Variants in PITPNM3 observed in about 807,000 individuals in gnomAD.
PITPNM3 encodes the protein PITPNM family member 3.
A neutral mutation model predicts 102.0 loss-of-function variants in PITPNM3; 26 were observed. The ratio of observed to expected loss-of-function variants is 0.25; its 90% confidence interval spans 0.19 to 0.35. PITPNM3 has a LOEUF of 0.35. PITPNM3 is among the 10% of genes least tolerant of loss of function. The pLI is 1.00. For synonymous variants in PITPNM3, 578 were observed against 558.6 expected (o/e 1.03, Z -0.49); for missense variants, 1,083 against 1,346.1 (o/e 0.80, Z 3.06).
At position 6,537,841 on chromosome 17, in the gene PITPNM3, A is replaced by C. The variant is rs1420218361; in HGVS notation, c.118+146T>G. The stretch of plus-strand genomic sequence containing the variant: ...CGAAGGCTGAGCCCCTGCTCTTGGC[A>C]CATCCACAGGATGGGTAAGTATGGA... On this transcript the variant is annotated intron_variant, in intron 2 of 19. Transcript: ENST00000262483. This position sits in a 1 kb window ranked among gnomAD's most constrained non-coding sequence, Gnocchi z 4.4. 8 of 760,020 alleles carry C rather than the reference A, an allele frequency of 1.1e-5. No homozygotes were observed. The highest frequency in any genetic ancestry group is 5.9e-4 in the Middle Eastern group (2 of 3,382). The allele number at this position is 760,020 out of a possible 1,614,324, so 47.1% of individuals were successfully genotyped here.
In PITPNM3 at chr17:6,478,013, C is replaced by A. The variant is rs200058178; in HGVS notation, c.862G>T (p.Ala288Ser). The change falls in exon 8 of 20, where the codon GCC (alanine) becomes TCC (serine). Residue 288 changes from alanine to serine, a missense_variant. Coordinates refer to ENST00000262483, the MANE Select transcript of PITPNM3 (RefSeq NM_031220.4). This position sits in a 1 kb window ranked among gnomAD's most constrained non-coding sequence, Gnocchi z 4.4. ...YSAGPSGDSP[A>S]SSSRKGSISS... is the part of the protein sequence containing the mutation. ...ATGCTCCCCTTCCGGCTGCTGCTGG[C>A]AGGGCTGTCCCCTGAGGGCCCCGCA... 1.1e-5 allele frequency: 17 copies of A among 1,613,516 alleles called. No individual in the cohort carries two copies. In the East Asian group the frequency reaches 1.8e-4, roughly 17 times the overall value.
At chr17:6,462,523 C>T (rs1483305068) in intron 17 of PITPNM3, among the ~76,000 whole-genome samples, 1 of 152,170 alleles carries the variant, frequency 6.6e-6, no homozygotes, top group South Asian at 2.1e-4. Context: ...TCTTTCAAGA[C>T]CCCCCTTCCT....
At chr17:6,497,222 G>T (rs1248336876) in intron 4 of PITPNM3, among the ~76,000 whole-genome samples, 2 of 152,142 alleles carry the variant, frequency 1.3e-5, no homozygotes, top group African/African-American at 4.8e-5. Context: ...TGTCTGTGGT[G>T]GGGGGTCTTC....
In PITPNM3 at chr17:6,467,067, CAAA is replaced by C. The variant is rs1408443729; in HGVS notation, c.1890+1155_1890+1157del. Among the ~76,000 whole-genome samples, 98 of 4,950 alleles carry C rather than the reference CAAA, an allele frequency of 0.02. 2 individuals carry two copies. The Middle Eastern group carries it at 0.55, about 28-fold the overall frequency. The allele number at this position is 4,950 out of a possible 152,430, so 3.2% of individuals were successfully genotyped here. On this transcript the variant is annotated intron_variant, in intron 14 of 19. Coordinates refer to ENST00000262483, the MANE Select transcript of PITPNM3 (RefSeq NM_031220.4). ...GACAGAACAAGACTCCGTCTCAAAA[CAAA>C]AAAAAAAAACCAAAAAAAAAAAACA...
chr17:6,522,286 GCACACA>G (rs35785551), intron 3 of PITPNM3, among the ~76,000 whole-genome samples: 232 of 149,290 alleles, frequency 1.6e-3, no homozygotes, highest in African/African-American at 4.8e-3. Context: ...TTTAGTGTGC[GCACACA>G]CACACACACA....
rs146637916 is a variant in PITPNM3, at chr17:6,534,507, G to T, written c.118+3480C>A. 9.1e-4 allele frequency among the ~76,000 whole-genome samples: 138 copies of T among 152,298 alleles called. 1 individual carries two copies. The highest frequency in any genetic ancestry group is 2.8e-3 in the African/African-American group (118 of 41,554). On this transcript the variant is annotated intron_variant, in intron 2 of 19. Coordinates refer to ENST00000262483, the MANE Select transcript of PITPNM3 (RefSeq NM_031220.4). ...CTGATGGCTGCAAGGGAGGGAGGAC[G>T]GTCCTAATCGGTAACACATCAAAGG... is the stretch of plus-strand genomic sequence containing the variant.
rs557922012 is a variant in PITPNM3 at position 6,466,228 on chromosome 17, G to A, written c.1891-1457C>T. Among the ~76,000 whole-genome samples the A allele has an allele frequency of 2.0e-4, 30 of 152,212 alleles. No homozygotes were observed. In the South Asian group the frequency reaches 5.6e-3, roughly 28 times the overall value. On this transcript the variant is annotated intron_variant, in intron 14 of 19. Coordinates refer to ENST00000262483, the MANE Select transcript of PITPNM3 (RefSeq NM_031220.4). ...TCTTCCCCCACATTCCAGCCCATTC[G>A]CTATGACTAGACTCAGCGCCATCAT...
intron 1 of PITPNM3, among the ~76,000 whole-genome samples, chr17:6,539,551 T>C (rs1211826956): frequency 6.6e-6 from 1 of 152,180 alleles, no homozygotes; most frequent in Non-Finnish European, 1.5e-5. Context: ...ATTGCATTCC[T>C]AGATACAAGA....
chr17:6,506,311 C>T (rs189895853), intron 3 of PITPNM3, among the ~76,000 whole-genome samples: 2 of 151,934 alleles, frequency 1.3e-5, no homozygotes, highest in Admixed American at 1.3e-4. Flanking sequence ...GCTCTAAAAC[C>T]TGTTATGGTG....
rs376230474 is a variant in PITPNM3 at position 6,544,654 on chromosome 17, T to TCTCA, written c.23-6573_23-6572insTGAG. ...CTCTCTCTCTCTCTCTCTCTCTCTCTCACACACACACACACACACACACAA... is the reference window on the plus strand; with the variant it reads ...CTCTCTCTCTCTCTCTCTCTCTCTCTCTCACACACACACACACACACACACACAA... On this transcript the variant is annotated intron_variant, in intron 1 of 19. Coordinates refer to ENST00000262483, the MANE Select transcript of PITPNM3 (RefSeq NM_031220.4). Among the ~76,000 whole-genome samples, 718 of 130,264 alleles carry TCTCA rather than the reference T, an allele frequency of 5.5e-3. 1 individual carries two copies. Among genetic ancestry groups the TCTCA allele is most frequent in the Middle Eastern group, 0.016 (4 of 250 alleles). 85.5% of individuals were successfully genotyped at this position (130,264 alleles called of 152,430 possible).
In PITPNM3 at chr17:6,474,542, G is replaced by C. The variant is rs1380947904; in HGVS notation, c.1148C>G (p.Pro383Arg). Residue 383 changes from proline to arginine, a missense_variant, in exon 10 of 20, where the codon CCT becomes CGT. Pro to Arg is a moderately radical substitution (Grantham distance 103). This residue lies in a region of PITPNM3 where 172 missense variants were observed against 175.6 expected (regional missense o/e 0.98). Coordinates refer to ENST00000262483, the MANE Select transcript of PITPNM3 (RefSeq NM_031220.4). Reference protein sequence around the residue: ...ETPAAGGPQLPEVSLGRFDFD... With the variant: ...ETPAAGGPQLREVSLGRFDFD... ...GTCAAAGCGGCCCAGGCTGACCTCA[G>C]GGAGCTGCGGCCCCCCAGCCGCCGG... 6.2e-7 allele frequency: 1 copy of C among 1,607,100 alleles called. No homozygotes were observed. Among genetic ancestry groups the C allele is most frequent in the Non-Finnish European group, 8.5e-7 (1 of 1,177,248 alleles).
intron 4 of PITPNM3, among the ~76,000 whole-genome samples, 164 bp from the exon 5 acceptor site, chr17:6,484,456 C>G (rs1905950249): frequency 6.6e-6 from 1 of 152,194 alleles, no homozygotes; most frequent in Non-Finnish European, 1.5e-5. Flanking sequence ...GGCCCTGCCT[C>G]TGAAACCAAC....
chr17:6,464,508 G>A lies in PITPNM3; in HGVS notation c.2007+147C>T, dbSNP rs73975551. 4,491 of 1,059,516 alleles carry A rather than the reference G, an allele frequency of 4.2e-3. 128 individuals carry two copies. In the African/African-American group the frequency reaches 0.06, roughly 14 times the overall value. The allele number at this position is 1,059,516 out of a possible 1,614,324, so 65.6% of individuals were successfully genotyped here. On this transcript the variant is annotated intron_variant, in intron 15 of 19. Transcript: ENST00000262483. ...CCTCCTTGCTCACCCTTCCCGGCCC[G>A]CCCAAGCAGGTGGGTAGCTCCTGGC...
Position 6,483,672 on chromosome 17 carries a change from G to T in PITPNM3, c.432C>A (p.Ala144=). 2.5e-6 allele frequency: 4 copies of T among 1,614,016 alleles called. No homozygotes were observed. Among genetic ancestry groups the T allele is most frequent in the Non-Finnish European group, 3.4e-6 (4 of 1,180,016 alleles). Residue 144 remains alanine (A), a synonymous_variant, in exon 6 of 20, where the codon GCC becomes GCA. Coordinates refer to ENST00000262483, the MANE Select transcript of PITPNM3 (RefSeq NM_031220.4). ...LHGGNILDTG[A]GDPSCKAADI... is the part of the protein sequence containing the mutation. ...CGGCTGCCTTGCAGGACGGGTCCCC[G>T]GCACCCGTGTCCAGGATGTTTCCCC...
chr17:6,474,540 C>T lies in PITPNM3; in HGVS notation c.1150G>A (p.Glu384Lys), dbSNP rs908946298. Residue 384 changes from glutamate (E) to lysine (K), a missense_variant, in exon 10 of 20, where the codon GAG becomes AAG. Transcript: ENST00000262483. ...AAGTCAAAGCGGCCCAGGCTGACCTCAGGGAGCTGCGGCCCCCCAGCCGCC... is the reference window on the plus strand; with the variant it reads ...AAGTCAAAGCGGCCCAGGCTGACCTTAGGGAGCTGCGGCCCCCCAGCCGCC... ...TPAAGGPQLP[E>K]VSLGRFDFDV... is the part of the protein sequence containing the mutation. The T allele has an allele frequency of 1.2e-6, 2 of 1,607,908 alleles. No homozygotes were observed. The highest frequency in any genetic ancestry group is 3.4e-5 in the Admixed American group (2 of 59,290).
At chr17:6,463,563 C>T (rs756038111) in intron 17 of PITPNM3, among the ~76,000 whole-genome samples, 169 bp downstream of exon 17, 92 of 150,966 alleles carry the variant, frequency 6.1e-4, no homozygotes, top group Admixed American at 1.2e-3. Flanking sequence ...GAAATTTTCC[C>T]AAGGATACTC....
At position 6,472,874 on chromosome 17, in the gene PITPNM3, T is replaced by C. The variant is rs1432230152; in HGVS notation, c.1259-47A>G. 6.2e-7 allele frequency: 1 copy of C among 1,605,524 alleles called. No individual in the cohort carries two copies. Among genetic ancestry groups the C allele is most frequent in the Admixed American group, 1.7e-5 (1 of 59,270 alleles). On this transcript the variant is annotated intron_variant, in intron 10 of 19. Transcript: ENST00000262483. This position sits in a 1 kb window ranked among gnomAD's most constrained non-coding sequence, Gnocchi z 4.1. ...AGGGAAGCCACTTTCTAGTACCTGCTCCCTGGGCCCTAGGAGGCTCCCTGG... is the reference window on the plus strand; with the variant it reads ...AGGGAAGCCACTTTCTAGTACCTGCCCCCTGGGCCCTAGGAGGCTCCCTGG...
chr17:6,518,031 T>G (rs1464038621), intron 3 of PITPNM3, among the ~76,000 whole-genome samples: 1 of 152,170 alleles, frequency 6.6e-6, no homozygotes, highest in Non-Finnish European at 1.5e-5. Context: ...ACATATACAG[T>G]ATATAGATAA....
chr17:6,550,577 G>A (rs563363386), intron 1 of PITPNM3, among the ~76,000 whole-genome samples: 2 of 152,254 alleles, frequency 1.3e-5, no homozygotes, highest in East Asian at 3.9e-4. Flanking sequence ...TGACTGAAAG[G>A]GTCTGGTCTC....
Sources: gnomAD v4.1 joint callset for allele counts (sites outside exome capture counted in the v4.1 genomes callset) on GRCh38, gnomAD v4.1.1 for gene constraint, gnomAD v4.1.1 regional missense constraint, Gnocchi (gnomAD v3.1) non-coding constraint, MANE v1.5 for transcripts, NCBI Gene and HGNC (gene_info 2026-07-23, HGNC 2026-07-21) for gene names.